The following ZDHHC3 variants were observed in gnomAD, a reference collection of about 807,000 sequenced individuals.
ZDHHC3 encodes the protein zDHHC palmitoyltransferase 3.
A neutral mutation model predicts 30.6 loss-of-function variants in ZDHHC3; 9 were observed. That is an observed-to-expected ratio of 0.29 (90% CI 0.18 to 0.51). The LOEUF is 0.51. Ranked by LOEUF, ZDHHC3 falls within the 20% of genes least tolerant of loss-of-function variation. ZDHHC3 has a pLI of 0.97. For synonymous variants in ZDHHC3, 136 were observed against 140.2 expected (o/e 0.97, Z 0.21); for missense variants, 246 against 384.2 (o/e 0.64, Z 3.01).
intron 3 of ZDHHC3, among the ~76,000 whole-genome samples, chr3:44,936,404 G>A (rs577033387): frequency 4.9e-4 from 74 of 152,328 alleles, no homozygotes; most frequent in African/African-American, 1.6e-3. Context: ...ACACACTGTC[G>A]TGGGAGTGTA....
At chr3:44,947,423 T>G (rs1489721499) in intron 2 of ZDHHC3, among the ~76,000 whole-genome samples, 1 of 152,234 alleles carries the variant, frequency 6.6e-6, no homozygotes, top group East Asian at 1.9e-4. Context: ...GCGAGTGGTG[T>G]GCCCACTGAC....
At chr3:44,938,684 C>G (rs1702186837) in intron 3 of ZDHHC3, among the ~76,000 whole-genome samples, 2 of 152,270 alleles carry the variant, frequency 1.3e-5, no homozygotes, top group African/African-American at 4.8e-5. Context: ...TGGGGCCTTG[C>G]TGGATCACAC....
At chr3:44,966,467 A>G (rs1284787434) in intron 1 of ZDHHC3, among the ~76,000 whole-genome samples, 2 of 152,196 alleles carry the variant, frequency 1.3e-5, no homozygotes, top group Admixed American at 1.3e-4. Flanking sequence ...AGAGGGTAGC[A>G]TCTTTTCTGA....
Position 44,920,109 on chromosome 3 carries a change from C to G in ZDHHC3, c.*6580G>C. The stretch of plus-strand genomic sequence containing the variant: ...ACTTCTCACACAATCCAAGTTTTAC[C>G]AATGAGCCAATGTTACTTTTATAAT... On this transcript the variant is annotated 3_prime_UTR_variant, in exon 7 of 7. Transcript: ENST00000424952. 1 of 1,214,826 alleles carries G rather than the reference C, an allele frequency of 8.2e-7. No homozygotes were observed. The highest frequency in any genetic ancestry group is 1.4e-5 in the South Asian group (1 of 70,142). 75.3% of individuals were successfully genotyped at this position (1,214,826 alleles called of 1,614,324 possible).
rs183449762 is a variant in ZDHHC3, at chr3:44,921,275, C to T, written c.*5414G>A. On this transcript the variant is annotated 3_prime_UTR_variant, in exon 7 of 7. Coordinates refer to ENST00000424952, the MANE Select transcript of ZDHHC3 (RefSeq NM_001135179.2). ...ACAGACTCAGCTGAGCCCCACAGAA[C>T]GAGAACAGGCTGTTCCCTGCTCCCT... The T allele has an allele frequency of 3.3e-3, 3,256 of 985,376 alleles. 9 individuals carry two copies. Among genetic ancestry groups the T allele is most frequent in the South Asian group, 0.02 (430 of 21,284 alleles). 61.0% of individuals were successfully genotyped at this position (985,376 alleles called of 1,614,324 possible).
chr3:44,972,573 T>C (rs1705490004), intron 1 of ZDHHC3, among the ~76,000 whole-genome samples: 2 of 152,198 alleles, frequency 1.3e-5, no homozygotes, highest in South Asian at 4.1e-4. Flanking sequence ...ACAGAGTTAC[T>C]CCATCTCTGT....
chr3:44,962,671 C>G (rs1704587410), intron 1 of ZDHHC3, among the ~76,000 whole-genome samples: 1 of 152,186 alleles, frequency 6.6e-6, no homozygotes, highest in East Asian at 1.9e-4. Flanking sequence ...ATGATGTCCT[C>G]AGGGCTACTG....
At position 44,917,059 on chromosome 3, in the gene ZDHHC3, C is replaced by T. The variant is rs1700223458; in HGVS notation, c.*9630G>A. ...TTCTCATGCGAGTGGTTAGGGAGTCCCCAGTAGCTCCAAAGAGGTCCTTCC... is the reference window on the plus strand; with the variant it reads ...TTCTCATGCGAGTGGTTAGGGAGTCTCCAGTAGCTCCAAAGAGGTCCTTCC... On this transcript the variant is annotated 3_prime_UTR_variant, in exon 7 of 7. Transcript: ENST00000424952. 2 of 152,128 alleles carry T rather than the reference C, an allele frequency of 1.3e-5. No homozygotes were observed. The highest frequency in any genetic ancestry group is 4.2e-4 in the South Asian group (2 of 4,810). 9.4% of individuals were successfully genotyped at this position (152,128 alleles called of 1,614,324 possible).
rs370424209 is a variant in ZDHHC3 at position 44,959,495 on chromosome 3, GTTGTC to G, written c.-24-40_-24-36del. 6.8e-5 allele frequency: 107 copies of G among 1,564,116 alleles called. 2 individuals carry two copies. In the African/African-American group the frequency reaches 1.1e-3, roughly 16 times the overall value. On this transcript the variant is annotated intron_variant, in intron 1 of 6. Transcript: ENST00000424952. The surrounding 1 kb of genome is among the most constrained non-coding windows in gnomAD (Gnocchi z 4.3). ...AGAGGAAAGAATCCAGAAACTTGGTGTTGTCTTGTCATCAAGGAGGTTTGACAAAA... is the reference window on the plus strand; with the variant it reads ...AGAGGAAAGAATCCAGAAACTTGGTGTTGTCATCAAGGAGGTTTGACAAAA...
intron 1 of ZDHHC3, among the ~76,000 whole-genome samples, chr3:44,960,965 C>G (rs1401281628): frequency 6.6e-6 from 1 of 152,204 alleles, no homozygotes. Flanking sequence ...CCACTCCTCC[C>G]AAGGTGGCAG....
Position 44,959,302 on chromosome 3 carries a change from G to A in ZDHHC3, c.135C>T (p.Ile45=), listed in dbSNP as rs1240171060. The change falls in exon 2 of 7, where the codon ATC becomes ATT. Residue 45 remains isoleucine, a synonymous_variant. Coordinates refer to ENST00000424952, the MANE Select transcript of ZDHHC3 (RefSeq NM_001135179.2). This position sits in a 1 kb window ranked among gnomAD's most constrained non-coding sequence, Gnocchi z 4.3. ...GAAACCAGGTAACGATGGCACAGGCGATGCCACAGCCGTCACGGATAAACC... is the reference window on the plus strand; with the variant it reads ...GAAACCAGGTAACGATGGCACAGGCAATGCCACAGCCGTCACGGATAAACC... ...TMWFIRDGCG[I]ACAIVTWFLV... is the part of the protein sequence containing the mutation. The A allele has an allele frequency of 4.3e-6, 7 of 1,614,128 alleles. No homozygotes were observed. Among genetic ancestry groups the A allele is most frequent in the East Asian group, 2.2e-5 (1 of 44,898 alleles).
At chr3:44,954,583 C>T (rs927378927) in intron 2 of ZDHHC3, among the ~76,000 whole-genome samples, 21 of 152,196 alleles carry the variant, frequency 1.4e-4, no homozygotes, top group Non-Finnish European at 1.9e-4. Context: ...TCAAGTGACA[C>T]ATGACTGTAT....
rs550971017 is a variant in ZDHHC3, at chr3:44,953,919, C to T, written c.306+5212G>A. ...GGCGCTTCTCTGGCTGCATCCAGCA[C>T]CTGGCCTGCTGTTCCTCTTCTATGT... On this transcript the variant is annotated intron_variant, in intron 2 of 6. Transcript: ENST00000424952. Among the ~76,000 whole-genome samples, 133 of 152,332 alleles carry T rather than the reference C, an allele frequency of 8.7e-4. 1 individual carries two copies. The highest frequency in any genetic ancestry group is 2.3e-3 in the African/African-American group (94 of 41,564).
intron 2 of ZDHHC3, among the ~76,000 whole-genome samples, chr3:44,947,798 C>T (rs1480013213): frequency 1.3e-5 from 2 of 152,250 alleles, no homozygotes; most frequent in Non-Finnish European, 2.9e-5. Flanking sequence ...TTGGGTCTAC[C>T]TTGATCAGCA....
chr3:44,956,952 C>A (rs1485501916), intron 2 of ZDHHC3, among the ~76,000 whole-genome samples: 2 of 152,186 alleles, frequency 1.3e-5, no homozygotes, highest in African/African-American at 2.4e-5. Flanking sequence ...CTCTTACCCC[C>A]ACCTACCATG....
At chr3:44,940,895 T>C (rs923735459) in intron 3 of ZDHHC3, among the ~76,000 whole-genome samples, 4 of 152,194 alleles carry the variant, frequency 2.6e-5, no homozygotes, top group Admixed American at 6.5e-5. Flanking sequence ...CATGGAAACA[T>C]AGCCACATTC....
chr3:44,967,522 A>C lies in ZDHHC3; in HGVS notation c.-24-8062T>G, dbSNP rs575535571. Among the ~76,000 whole-genome samples, 5 of 151,392 alleles carry C rather than the reference A, an allele frequency of 3.3e-5. No individual in the cohort carries two copies. In the East Asian group the frequency reaches 9.6e-4, roughly 29 times the overall value. On this transcript the variant is annotated intron_variant, in intron 1 of 6. Transcript: ENST00000424952. ...AACATAGTGAGACCTTGTTTCTATA[A>C]ATTTTTTTTAATTGGGGGAAAAAAA...
intron 5 of ZDHHC3, among the ~76,000 whole-genome samples, chr3:44,929,673 CT>C (rs1157105882): frequency 6.6e-6 from 1 of 152,246 alleles, no homozygotes; most frequent in Admixed American, 6.5e-5. Context: ...CTTCCCTTCC[CT>C]AACACAAATC....
At position 44,921,828 on chromosome 3, in the gene ZDHHC3, T is replaced by C; in HGVS notation, c.*4861A>G. 2 of 985,426 alleles carry C rather than the reference T, an allele frequency of 2.0e-6. No homozygotes were observed. Among genetic ancestry groups the C allele is most frequent in the Non-Finnish European group, 2.4e-6 (2 of 829,922 alleles). 61.0% of individuals were successfully genotyped at this position (985,426 alleles called of 1,614,324 possible). A position where few individuals can be genotyped will look rare whatever the true frequency, so the allele number is the denominator to read the frequency against. On this transcript the variant is annotated 3_prime_UTR_variant, in exon 7 of 7. Coordinates refer to ENST00000424952, the MANE Select transcript of ZDHHC3 (RefSeq NM_001135179.2). ...AAGACTGAAGCCAGGACCCAAATAC[T>C]TGGTCACCAGACTATATGGCCTCAG...
Sources: gnomAD v4.1 joint callset for allele counts (sites outside exome capture counted in the v4.1 genomes callset) on GRCh38, gnomAD v4.1.1 for gene constraint, Gnocchi (gnomAD v3.1) non-coding constraint, MANE v1.5 for transcripts, NCBI Gene and HGNC (gene_info 2026-07-23, HGNC 2026-07-21) for gene names.